GCA: variants seen among roughly 807,000 people sequenced by gnomAD.
GCA encodes grancalcin, EF-hand calcium-binding protein.
In GCA, 30 loss-of-function variants were observed where a neutral mutation model predicts 32.6. That is an observed-to-expected ratio of 0.92 (90% confidence interval 0.69 to 1.25). GCA has a LOEUF of 1.25. GCA is among the 50% of genes most tolerant of loss of function. The pLI is 0.00. For synonymous variants in GCA, 102 were observed against 84.6 expected, an observed-to-expected ratio of 1.21 and a Z score of -1.13; for missense variants, 291 against 266.8, an observed-to-expected ratio of 1.09 and a Z score of -0.63.
exon 1 of GCA, chr2:162,319,117 G>T: frequency 4.4e-6 from 2 of 456,480 alleles, no homozygotes; most frequent in South Asian, 3.1e-5. Flanking sequence ...ATGAAGCTCA[G>T]AAGACATCTT....
rs974651460 is a variant in GCA at position 162,360,364 on chromosome 2, C to T, written c.*121C>T. The T allele has an allele frequency of 3.6e-6, 5 of 1,402,424 alleles. No individual in the cohort carries two copies. Among genetic ancestry groups the T allele is most frequent in the Non-Finnish European group, 3.7e-6 (4 of 1,072,894 alleles). The allele number at this position is 1,402,424 out of a possible 1,614,324, so 86.9% of individuals were successfully genotyped here. On this transcript the variant is annotated 3_prime_UTR_variant, in exon 8 of 8. Coordinates refer to ENST00000437150, the MANE Select transcript of GCA (RefSeq NM_012198.5). ...TCTTCCTACCTGTTAAACCTCTTCCCTTTCTGTGTGTTTTTATTTTAGCAG... is the reference window on the plus strand; with the variant it reads ...TCTTCCTACCTGTTAAACCTCTTCCTTTTCTGTGTGTTTTTATTTTAGCAG...
At chr2:162,369,656 T>G (rs1235024368) in intron 4 of GCA, among the ~76,000 whole-genome samples, 1 of 152,092 alleles carries the variant, frequency 6.6e-6, no homozygotes, top group African/African-American at 2.4e-5. Context: ...CCAAATCCTC[T>G]CTCCCTACAA....
upstream of GCA, among the ~76,000 whole-genome samples, chr2:162,340,032 G>A (rs1275439861): frequency 1.3e-5 from 2 of 152,014 alleles, no homozygotes; most frequent in Admixed American, 1.3e-4. Flanking sequence ...AATCAATGAT[G>A]CCCAAAGAGG....
upstream of GCA, among the ~76,000 whole-genome samples, chr2:162,341,268 TA>T (rs1684436368): frequency 3.6e-3 from 71 of 19,914 alleles, no homozygotes; most frequent in African/African-American, 0.032. Context: ...TTATTTATTT[TA>T]TATATATATA....
intron 1 of GCA, among the ~76,000 whole-genome samples, chr2:162,321,414 C>T (rs1437770312): frequency 1.3e-5 from 2 of 152,080 alleles, no homozygotes; most frequent in Non-Finnish European, 2.9e-5. Context: ...TACAATTTAA[C>T]GACCATGCAT....
Position 162,360,719 on chromosome 2 carries a change from T to C in GCA, c.*476T>C, listed in dbSNP as rs1056075520. 2 of 1,381,888 alleles carry C rather than the reference T, an allele frequency of 1.4e-6. No homozygotes were observed. The highest frequency in any genetic ancestry group is 1.9e-6 in the Non-Finnish European group (2 of 1,071,668). The allele number at this position is 1,381,888 out of a possible 1,614,324, so 85.6% of individuals were successfully genotyped here. On this transcript the variant is annotated 3_prime_UTR_variant, in exon 8 of 8. Coordinates refer to ENST00000437150, the MANE Select transcript of GCA (RefSeq NM_012198.5). ...TGGATTTTGTGCCATGTTTGTAATA[T>C]AGTTTGTTCCTTGATCAAATAATCA...
intron 3 of GCA, among the ~76,000 whole-genome samples, chr2:162,353,360 C>T (rs1013590556): frequency 9.2e-5 from 14 of 151,986 alleles, no homozygotes; most frequent in African/African-American, 2.2e-4. Flanking sequence ...CCCAGCTACT[C>T]GGGAGACTGA....
At chr2:162,373,403 T>C (rs1359008666), downstream of GCA, 2 of 1,145,468 alleles carry the variant, frequency 1.7e-6, no homozygotes, top group African/African-American at 3.2e-5. Context: ...CCCAAGTGAT[T>C]CTGATTAGGT....
Position 162,347,628 on chromosome 2 carries a change from G to A in GCA, c.78G>A (p.Val26=). The A allele has an allele frequency of 6.2e-7, 1 of 1,610,282 alleles. No individual in the cohort carries two copies. The highest frequency in any genetic ancestry group is 8.5e-7 in the Non-Finnish European group (1 of 1,177,466). The change falls in exon 2 of 8, where the codon GTG becomes GTA. Residue 26 remains valine, a synonymous_variant. Transcript: ENST00000437150. ...CAGGAATGCAGATGGGACAGCCAGT[G>A]CCAGAAACAGGCCCAGCTATACTCC... is the stretch of plus-strand genomic sequence containing the variant. ...QVPGMQMGQP[V]PETGPAILLD...
At chr2:162,340,865 C>A (rs867858985), upstream of GCA, among the ~76,000 whole-genome samples, 2 of 152,242 alleles carry the variant, frequency 1.3e-5, no homozygotes, top group Middle Eastern at 6.8e-3. Flanking sequence ...CATTCATGAC[C>A]TCTAAGTTTT....
At chr2:162,324,582 T>G (rs538262946) in intron 1 of GCA, among the ~76,000 whole-genome samples, 2 of 152,202 alleles carry the variant, frequency 1.3e-5, no homozygotes, top group East Asian at 3.9e-4. Context: ...TCTTGGAGGT[T>G]TTTATAGGTA....
chr2:162,374,927 GTTTA>G (rs1294510411), downstream of GCA, among the ~76,000 whole-genome samples: 6 of 152,036 alleles, frequency 3.9e-5, no homozygotes, highest in Non-Finnish European at 8.8e-5. Flanking sequence ...TTATCAACTG[GTTTA>G]TTTATCTACT....
chr2:162,323,213 C>G (rs1296458336), intron 1 of GCA, among the ~76,000 whole-genome samples: 1 of 151,828 alleles, frequency 6.6e-6, no homozygotes, highest in Admixed American at 6.5e-5. Flanking sequence ...CTTCTTTTGA[C>G]AAGTGTCTGT....
At chr2:162,320,344 G>A (rs1465713411) in intron 1 of GCA, among the ~76,000 whole-genome samples, 2 of 152,124 alleles carry the variant, frequency 1.3e-5, no homozygotes, top group Non-Finnish European at 2.9e-5. Context: ...TAAGTATTGG[G>A]TCTATGAAAA....
downstream of GCA, chr2:162,373,614 C>A (rs1359501204): frequency 6.4e-7 from 1 of 1,565,170 alleles, no homozygotes; most frequent in Non-Finnish European, 8.7e-7. Context: ...TTTGTTTCTG[C>A]AGCAACTGTA....
chr2:162,372,041 A>G, downstream of GCA: 4 of 1,613,400 alleles, frequency 2.5e-6, no homozygotes, highest in Non-Finnish European at 3.4e-6. Context: ...ACCCCACTTG[A>G]AAGGGATTCT....
intron 1 of GCA, among the ~76,000 whole-genome samples, chr2:162,336,458 C>T (rs948187670): frequency 1.3e-5 from 2 of 152,030 alleles, no homozygotes; most frequent in African/African-American, 4.8e-5. Context: ...ATATCAGTAA[C>T]AACCATTTTC....
chr2:162,328,376 G>C (rs1318207223), intron 1 of GCA, among the ~76,000 whole-genome samples: 1 of 152,138 alleles, frequency 6.6e-6, no homozygotes, highest in African/African-American at 2.4e-5. Flanking sequence ...GGGTGACAGA[G>C]CAAGATCCTG....
intron 3 of GCA, among the ~76,000 whole-genome samples, chr2:162,355,200 A>G (rs1685206447): frequency 6.6e-6 from 1 of 152,146 alleles, no homozygotes; most frequent in Non-Finnish European, 1.5e-5. Context: ...AATTGGAACT[A>G]TTATACGTTT....
Sources: allele counts gnomAD v4.1 joint callset (sites outside exome capture counted in the v4.1 genomes callset), GRCh38; gene constraint gnomAD v4.1.1; transcripts MANE v1.5; gene names NCBI Gene and HGNC (gene_info 2026-07-23, HGNC 2026-07-21).